Variants in PPP1R10 observed in about 807,000 individuals in gnomAD.
The protein encoded by PPP1R10 is protein phosphatase 1 regulatory subunit 10.
PPP1R10 carries 15 observed loss-of-function variants against 99.0 expected under a neutral mutation model. That is an observed-to-expected ratio of 0.15 (90% CI 0.10 to 0.23). The LOEUF is 0.23. Among genes scored for constraint, PPP1R10 ranks in the 10% least tolerant of loss-of-function variants. PPP1R10 has a pLI of 1.00. For missense variants in PPP1R10, 947 were observed against 1,259.4 expected, an observed-to-expected ratio of 0.75 and a Z score of 3.75; for synonymous variants, 430 against 449.5, an observed-to-expected ratio of 0.96 and a Z score of 0.55.
At position 30,609,909 on chromosome 6, in the gene PPP1R10, G is replaced by C. The variant is rs1163565587; in HGVS notation, c.36C>G (p.Leu12=). Residue 12 remains leucine, a synonymous_variant, in exon 3 of 20, where the codon CTC becomes CTG. Coordinates refer to ENST00000376511, the MANE Select transcript of PPP1R10 (RefSeq NM_002714.4). This position sits in a 1 kb window ranked among gnomAD's most constrained non-coding sequence, Gnocchi z 4.5. ...GGTTAAGGAAGCTGTCCAGGCCCTT[G>C]AGAAGTTCTTTGGGGTCTATGGGAC... ...GSGPIDPKEL[L]KGLDSFLNRD... is the part of the protein sequence containing the mutation. The C allele has an allele frequency of 1.9e-6, 3 of 1,614,112 alleles. No homozygotes were observed. Among genetic ancestry groups the C allele is most frequent in the African/African-American group, 1.3e-5 (1 of 75,020 alleles).
In PPP1R10 at chr6:30,606,650, A is replaced by G; in HGVS notation, c.461-9T>C. 6.2e-7 allele frequency: 1 copy of G among 1,614,026 alleles called. No homozygotes were observed. Among genetic ancestry groups the G allele is most frequent in the Admixed American group, 1.7e-5 (1 of 59,968 alleles). On this transcript the variant is annotated splice_polypyrimidine_tract_variant and intron_variant, in intron 7 of 19. Coordinates refer to ENST00000376511, the MANE Select transcript of PPP1R10 (RefSeq NM_002714.4). This position sits in a 1 kb window ranked among gnomAD's most constrained non-coding sequence, Gnocchi z 6.3. ...TTTCTTCTTATCTTTCTCTGTTGTG[A>G]AAAAACAAAGCAGAAAAGGATTTTA...
At position 30,609,098 on chromosome 6, in the gene PPP1R10, C is replaced by G; in HGVS notation, c.173G>C (p.Arg58Pro). ...TTACTTGACCAATATTTCTGGTGAA[C>G]GGGTCTGCAGGAGAATGTTCAAGTA... ...CTYLNILLQTRSPEILVKFID... is the reference protein window; with the variant it reads ...CTYLNILLQTPSPEILVKFID... Residue 58 changes from arginine to proline, a missense_variant, in exon 4 of 20, where the codon CGT (arginine) becomes CCT (proline). Arg to Pro is a moderately radical substitution (Grantham distance 103, BLOSUM62 -2). Transcript: ENST00000376511. The surrounding 1 kb of genome is among the most constrained non-coding windows in gnomAD (Gnocchi z 4.5). 1 of 1,613,916 alleles carries G rather than the reference C, an allele frequency of 6.2e-7. No homozygotes were observed. Among genetic ancestry groups the G allele is most frequent in the Non-Finnish European group, 8.5e-7 (1 of 1,180,028 alleles).
At chr6:30,615,465 G>A (rs190888107) in intron 2 of PPP1R10, among the ~76,000 whole-genome samples, 3 of 152,270 alleles carry the variant, frequency 2.0e-5, no homozygotes, top group Admixed American at 2.0e-4. Context: ...AACAAATAGG[G>A]TTGAGGTGGG....
chr6:30,616,278 G>A (rs1430638890), intron 2 of PPP1R10, among the ~76,000 whole-genome samples, 200 bp downstream of exon 2: 1 of 152,218 alleles, frequency 6.6e-6, no homozygotes, highest in African/African-American at 2.4e-5. Context: ...AGGCAGGGAA[G>A]AGATAGGTGG....
chr6:30,615,895 C>A (rs1417184061), intron 2 of PPP1R10, among the ~76,000 whole-genome samples: 1 of 152,102 alleles, frequency 6.6e-6, no homozygotes, highest in Admixed American at 6.6e-5. Flanking sequence ...AAATATACCC[C>A]AAGCAAATTA....
chr6:30,611,087 T>C (rs1004356459), intron 2 of PPP1R10, among the ~76,000 whole-genome samples: 1 of 152,208 alleles, frequency 6.6e-6, no homozygotes, highest in Admixed American at 6.5e-5. Flanking sequence ...GGTGGGCAGA[T>C]TCCTTGAGCG....
At chr6:30,611,443 A>T (rs1455686137) in intron 2 of PPP1R10, among the ~76,000 whole-genome samples, 1 of 152,262 alleles carries the variant, frequency 6.6e-6, no homozygotes, top group Middle Eastern at 3.2e-3. Context: ...CTAGCACAGA[A>T]GTAACAGACA....
chr6:30,609,979 CA>C lies in PPP1R10; in HGVS notation c.-11-25del, dbSNP rs1475235564. On this transcript the variant is annotated intron_variant, in intron 2 of 19. Coordinates refer to ENST00000376511, the MANE Select transcript of PPP1R10 (RefSeq NM_002714.4). This position sits in a 1 kb window ranked among gnomAD's most constrained non-coding sequence, Gnocchi z 4.5. ...TTCTATGGTAAGAGGACAAAACAAACAAACCCACAGAATAAATGGGTGGCAA... is the reference window on the plus strand; with the variant it reads ...TTCTATGGTAAGAGGACAAAACAAACAACCCACAGAATAAATGGGTGGCAA... 1 of 1,531,760 alleles carries C rather than the reference CA, an allele frequency of 6.5e-7. No individual in the cohort carries two copies. Among genetic ancestry groups the C allele is most frequent in the South Asian group, 1.1e-5 (1 of 89,340 alleles). 94.9% of individuals were successfully genotyped at this position (1,531,760 alleles called of 1,614,324 possible). A position where few individuals can be genotyped will look rare whatever the true frequency, so the allele number is the denominator to read the frequency against.
Position 30,608,844 on chromosome 6 carries a change from G to A in PPP1R10, c.265C>T (p.Pro89Ser). The A allele has an allele frequency of 6.2e-7, 1 of 1,614,084 alleles. No homozygotes were observed. The highest frequency in any genetic ancestry group is 8.5e-7 in the Non-Finnish European group (1 of 1,179,956). The change falls in exon 5 of 20, where the codon CCC becomes TCC. Residue 89 changes from proline to serine, a missense_variant. Transcript: ENST00000376511. ...GTCAGTAGAATTTGCTGGAGGAGGG[G>A]AATGTTGTTGGTTGTCTTTGAATAC... is the stretch of plus-strand genomic sequence containing the variant. ...LTYSKTTNNI[P>S]LLQQILLTLQ...
At chr6:30,601,811 T>G (rs751367012) in intron 19 of PPP1R10, 125 bp downstream of exon 19, 36 of 1,327,268 alleles carry the variant, frequency 2.7e-5, no homozygotes, top group Non-Finnish European at 3.6e-5. Context: ...CTATGCATAC[T>G]AGGACATCAA....
chr6:30,604,893 C>T lies in PPP1R10; in HGVS notation c.954+101G>A, dbSNP rs1275538633. 4.6e-6 allele frequency: 7 copies of T among 1,510,180 alleles called. No homozygotes were observed. The highest frequency in any genetic ancestry group is 2.3e-5 in the East Asian group (1 of 44,374). 93.5% of individuals were successfully genotyped at this position (1,510,180 alleles called of 1,614,324 possible). A position where few individuals can be genotyped will look rare whatever the true frequency, so the allele number is the denominator to read the frequency against. ...GCACCAGTCTATATCCAAGGCAAAACGCCTCTTGTTGTCCTCCCCGACAAC... is the reference window on the plus strand; with the variant it reads ...GCACCAGTCTATATCCAAGGCAAAATGCCTCTTGTTGTCCTCCCCGACAAC... On this transcript the variant is annotated intron_variant, in intron 11 of 19. Coordinates refer to ENST00000376511, the MANE Select transcript of PPP1R10 (RefSeq NM_002714.4). This position sits in a 1 kb window ranked among gnomAD's most constrained non-coding sequence, Gnocchi z 7.3.
At chr6:30,603,369 T>G in intron 16 of PPP1R10, 84 bp from the exon 17 acceptor site, 1 of 1,571,990 alleles carries the variant, frequency 6.4e-7, no homozygotes, top group Non-Finnish European at 8.8e-7. Flanking sequence ...TAGGGGTAAG[T>G]GGGTAGATGT....
At chr6:30,608,953 C>T in intron 4 of PPP1R10, 39 bp from the exon 5 acceptor site, 1 of 1,613,730 alleles carries the variant, frequency 6.2e-7, no homozygotes, top group Non-Finnish European at 8.5e-7. Context: ...AATGCCCTTT[C>T]TAGGTTTTGA....
Position 30,609,823 on chromosome 6 carries a change from G to C in PPP1R10, c.107+15C>G. ...TCTCTACTCACAGTGAATACAAAAA[G>C]GGGTAAAGACTCACCTGAAGATCTT... is the stretch of plus-strand genomic sequence containing the variant. On this transcript the variant is annotated intron_variant, in intron 3 of 19. Coordinates refer to ENST00000376511, the MANE Select transcript of PPP1R10 (RefSeq NM_002714.4). The surrounding 1 kb of genome is among the most constrained non-coding windows in gnomAD (Gnocchi z 4.5). The C allele has an allele frequency of 6.3e-7, 1 of 1,594,080 alleles. No homozygotes were observed. Among genetic ancestry groups the C allele is most frequent in the South Asian group, 1.1e-5 (1 of 90,608 alleles).
chr6:30,615,831 G>C (rs879703667), intron 2 of PPP1R10, among the ~76,000 whole-genome samples: 3 of 151,994 alleles, frequency 2.0e-5, no homozygotes, highest in Admixed American at 1.3e-4. Context: ...ATTATATTTT[G>C]TCCTAAGTGT....
rs1561845696 is a variant in PPP1R10, at chr6:30,609,961, G to GT, written c.-11-7dup. On this transcript the variant is annotated splice_region_variant and splice_polypyrimidine_tract_variant and intron_variant, in intron 2 of 19. Transcript: ENST00000376511. The surrounding 1 kb of genome is among the most constrained non-coding windows in gnomAD (Gnocchi z 4.5). ...CGAACCCATGATGGTGGTTTCTATG[G>GT]TAAGAGGACAAAACAAACAAACCCA... The GT allele has an allele frequency of 1.3e-6, 2 of 1,595,792 alleles. No homozygotes were observed. Among genetic ancestry groups the GT allele is most frequent in the Non-Finnish European group, 1.7e-6 (2 of 1,163,484 alleles).
Position 30,609,762 on chromosome 6 carries a change from G to T in PPP1R10, c.107+76C>A. Reference sequence around the variant, plus strand: ...CTTTCCTTTCCAGGATCATTCCAGTGTGCCTCAACTGCAGCCATGTTTTAA... The same window carrying T: ...CTTTCCTTTCCAGGATCATTCCAGTTTGCCTCAACTGCAGCCATGTTTTAA... On this transcript the variant is annotated intron_variant, in intron 3 of 19. Coordinates refer to ENST00000376511, the MANE Select transcript of PPP1R10 (RefSeq NM_002714.4). This position sits in a 1 kb window ranked among gnomAD's most constrained non-coding sequence, Gnocchi z 4.5. 1 of 1,251,910 alleles carries T rather than the reference G, an allele frequency of 8.0e-7. No homozygotes were observed. The highest frequency in any genetic ancestry group is 1.2e-6 in the Non-Finnish European group (1 of 851,118). The allele number at this position is 1,251,910 out of a possible 1,614,324, so 77.6% of individuals were successfully genotyped here.
chr6:30,607,225 T>C lies in PPP1R10; in HGVS notation c.383-369A>G, dbSNP rs1395064518. On this transcript the variant is annotated intron_variant, in intron 6 of 19. Transcript: ENST00000376511. Reference sequence around the variant, plus strand: ...TCAGAAATCACCATTAAAGAACTTATACATGTAACCAAAATCCACCAGTTC... The same window carrying C: ...TCAGAAATCACCATTAAAGAACTTACACATGTAACCAAAATCCACCAGTTC... 2.6e-5 allele frequency among the ~76,000 whole-genome samples: 4 copies of C among 152,240 alleles called. No homozygotes were observed. In the East Asian group the frequency reaches 5.8e-4, roughly 22 times the overall value.
intron 2 of PPP1R10, among the ~76,000 whole-genome samples, chr6:30,610,705 T>C (rs1804471251): frequency 1.3e-5 from 2 of 152,116 alleles, no homozygotes; most frequent in Admixed American, 1.3e-4. Flanking sequence ...AGGAAGCTAG[T>C]GGTTTGTGCT....
Sources: gnomAD v4.1 joint callset for allele counts (sites outside exome capture counted in the v4.1 genomes callset) on GRCh38, gnomAD v4.1.1 for gene constraint, Gnocchi (gnomAD v3.1) non-coding constraint, MANE v1.5 for transcripts, NCBI Gene and HGNC (gene_info 2026-07-23, HGNC 2026-07-21) for gene names.